Variants in MAPKAPK5 observed in about 807,000 individuals in gnomAD.
The protein encoded by MAPKAPK5 is MAPK activated protein kinase 5, also known as MAP kinase-activated protein kinase 5.
In MAPKAPK5, 30 loss-of-function variants were observed where a neutral mutation model predicts 65.1. That is an observed-to-expected ratio of 0.46 (90% CI 0.34 to 0.63). MAPKAPK5 has a LOEUF of 0.63. Ranked by LOEUF, MAPKAPK5 falls within the 20% of genes least tolerant of loss-of-function variation. MAPKAPK5 has a pLI of 0.01. For synonymous variants in MAPKAPK5, 179 were observed against 204.6 expected (o/e 0.87, Z 1.07); for missense variants, 433 against 581.4 (o/e 0.74, Z 2.63).
At chr12:111,851,691 C>T (rs1299538992) in intron 1 of MAPKAPK5, among the ~76,000 whole-genome samples, 1 of 152,136 alleles carries the variant, frequency 6.6e-6, no homozygotes, top group African/African-American at 2.4e-5. Context: ...GGAAGAGAAT[C>T]CTGATAGAAT....
At chr12:111,881,402 CCTTTTTTTT>C (rs2070216211) in intron 8 of MAPKAPK5, among the ~76,000 whole-genome samples, 1 of 116,698 alleles carries the variant, frequency 8.6e-6, no homozygotes, top group African/African-American at 3.3e-5. Context: ...CCTGTCTGTT[CCTTTTTTTT>C]TTTTTTTTTT....
rs2070308484 is a variant in MAPKAPK5, at chr12:111,883,548, G to A, written c.661-33G>A. The A allele has an allele frequency of 6.2e-7, 1 of 1,601,372 alleles. No individual in the cohort carries two copies. The highest frequency in any genetic ancestry group is 2.2e-5 in the East Asian group (1 of 44,818). ...GTGTTTATTTGGGGGCTCTGCTTCT[G>A]CTGTGAGTGACCATTTTCTTTTTTG... is the stretch of plus-strand genomic sequence containing the variant. On this transcript the variant is annotated intron_variant, in intron 8 of 13. Transcript: ENST00000550735. This position sits in a 1 kb window ranked among gnomAD's most constrained non-coding sequence, Gnocchi z 4.8.
At chr12:111,875,849 A>G (rs1208058063) in intron 7 of MAPKAPK5, among the ~76,000 whole-genome samples, 1 of 152,088 alleles carries the variant, frequency 6.6e-6, no homozygotes. Context: ...TCTCCTTGGA[A>G]GGGCCTGACT....
rs2070745850 is a variant in MAPKAPK5, at chr12:111,894,951, C to T, written c.*1890C>T. On this transcript the variant is annotated 3_prime_UTR_variant, in exon 14 of 14. Coordinates refer to ENST00000550735, the MANE Select transcript of MAPKAPK5 (RefSeq NM_003668.4). ...ATCTCACCAGCAACTTATTTTCTAA[C>T]TCCTCCACTGTGCTGAGTAATTCCT... 2 of 152,182 alleles carry T rather than the reference C, an allele frequency of 1.3e-5. No homozygotes were observed. The highest frequency in any genetic ancestry group is 2.9e-5 in the Non-Finnish European group (2 of 68,016). 9.4% of individuals were successfully genotyped at this position (152,182 alleles called of 1,614,324 possible).
chr12:111,848,538 C>T (rs971959612), intron 1 of MAPKAPK5, among the ~76,000 whole-genome samples: 2 of 151,390 alleles, frequency 1.3e-5, no homozygotes, highest in Non-Finnish European at 2.9e-5. Context: ...CTCAGCCTCC[C>T]GAGTAGCTGG....
chr12:111,852,519 T>G (rs2069116719), intron 1 of MAPKAPK5, among the ~76,000 whole-genome samples: 1 of 152,264 alleles, frequency 6.6e-6, no homozygotes, highest in Non-Finnish European at 1.5e-5. Context: ...ATAAAATATG[T>G]GTTAATTGAC....
In MAPKAPK5 at chr12:111,891,038, A is replaced by T. The variant is rs191741222; in HGVS notation, c.1321+894A>T. Among the ~76,000 whole-genome samples the T allele has an allele frequency of 3.7e-3, 568 of 152,254 alleles. 27 individuals carry two copies. Among genetic ancestry groups the T allele is most frequent in the Admixed American group, 0.032 (490 of 15,284 alleles). ...TCCAGGATGCTCAGGGAAGGGAGCAAACTGAAGATTTCAATGCCTCACTTG... is the reference window on the plus strand; with the variant it reads ...TCCAGGATGCTCAGGGAAGGGAGCATACTGAAGATTTCAATGCCTCACTTG... On this transcript the variant is annotated intron_variant, in intron 13 of 13. Transcript: ENST00000550735.
chr12:111,886,975 G>T (rs1189273615), intron 10 of MAPKAPK5, among the ~76,000 whole-genome samples: 1 of 152,246 alleles, frequency 6.6e-6, no homozygotes, highest in African/African-American at 2.4e-5. Context: ...TAAGGGGACA[G>T]TTGTGGCATA....
At chr12:111,855,685 G>A (rs1022202228) in intron 1 of MAPKAPK5, among the ~76,000 whole-genome samples, 7 of 151,616 alleles carry the variant, frequency 4.6e-5, no homozygotes, top group African/African-American at 1.7e-4. Context: ...AAATTAGCTG[G>A]GCATGGTGGT....
At chr12:111,854,774 G>A (rs1338383729) in intron 1 of MAPKAPK5, among the ~76,000 whole-genome samples, 2 of 152,160 alleles carry the variant, frequency 1.3e-5, no homozygotes, top group Non-Finnish European at 2.9e-5. Flanking sequence ...TGGGTAGACG[G>A]CAGGAATGCT....
At position 111,900,636 on chromosome 12, in the gene MAPKAPK5, G is replaced by A. The variant is rs1299320954; in HGVS notation, c.*7575G>A. Reference sequence around the variant, plus strand: ...CTGTGGTTCTCTATGTCAGCATCATGCATGCTGTGATGAAAACTGTATACT... The same window carrying A: ...CTGTGGTTCTCTATGTCAGCATCATACATGCTGTGATGAAAACTGTATACT... On this transcript the variant is annotated 3_prime_UTR_variant, in exon 14 of 14. Coordinates refer to ENST00000550735, the MANE Select transcript of MAPKAPK5 (RefSeq NM_003668.4). The A allele has an allele frequency of 1.3e-5, 6 of 456,012 alleles. No individual in the cohort carries two copies. 28.2% of individuals were successfully genotyped at this position (456,012 alleles called of 1,614,324 possible). A position where few individuals can be genotyped will look rare whatever the true frequency, so the allele number is the denominator to read the frequency against.
chr12:111,874,365 A>C (rs906245332), intron 7 of MAPKAPK5, among the ~76,000 whole-genome samples: 28 of 151,602 alleles, frequency 1.8e-4, no homozygotes, highest in African/African-American at 6.8e-4. Context: ...ATTGCACTCC[A>C]GCCTGGGTGA....
intron 1 of MAPKAPK5, among the ~76,000 whole-genome samples, chr12:111,847,569 T>C (rs2068945152): frequency 6.6e-6 from 1 of 152,170 alleles, no homozygotes; most frequent in Non-Finnish European, 1.5e-5. Context: ...TGATGGAGTT[T>C]GTGAAAATCC....
intron 1 of MAPKAPK5, among the ~76,000 whole-genome samples, chr12:111,846,520 C>T (rs1189730866): frequency 2.8e-5 from 4 of 142,228 alleles, no homozygotes; most frequent in Non-Finnish European, 4.5e-5. Flanking sequence ...TTTTTTGAGA[C>T]GGTCTTGCTC....
At chr12:111,888,669 A>G (rs2136153451) in intron 11 of MAPKAPK5, 51 bp downstream of exon 11, 1 of 1,600,708 alleles carries the variant, frequency 6.2e-7, no homozygotes, top group East Asian at 2.2e-5. Flanking sequence ...ATGGCTGAGT[A>G]CTGGGTTCTG....
chr12:111,886,148 C>A, intron 10 of MAPKAPK5, 112 bp downstream of exon 10: 1 of 1,434,560 alleles, frequency 7.0e-7, no homozygotes, highest in Admixed American at 2.1e-5. Flanking sequence ...ACGATCCTTC[C>A]CAGAGAAACA....
intron 1 of MAPKAPK5, among the ~76,000 whole-genome samples, chr12:111,849,134 T>TG (rs1566221622): frequency 6.6e-6 from 1 of 151,748 alleles, no homozygotes; most frequent in Non-Finnish European, 1.5e-5. Flanking sequence ...TTTTTAGAGA[T>TG]GGGGTCTCAC....
At chr12:111,868,098 T>G (rs916542123) in intron 4 of MAPKAPK5, among the ~76,000 whole-genome samples, 6 of 152,226 alleles carry the variant, frequency 3.9e-5, no homozygotes, top group African/African-American at 1.4e-4. Context: ...ACAAAAAGCC[T>G]TTATTATTGC....
At chr12:111,889,991 C>A in intron 12 of MAPKAPK5, 49 bp from the exon 13 acceptor site, 1 of 1,194,324 alleles carries the variant, frequency 8.4e-7, no homozygotes, top group South Asian at 1.3e-5. Flanking sequence ...CACTAAAACC[C>A]CATGATGCTG....
Sources: gnomAD v4.1 joint callset for allele counts (sites outside exome capture counted in the v4.1 genomes callset) on GRCh38, gnomAD v4.1.1 for gene constraint, Gnocchi (gnomAD v3.1) non-coding constraint, MANE v1.5 for transcripts, NCBI Gene and HGNC (gene_info 2026-07-23, HGNC 2026-07-21) for gene names.